Variants in RPA1 observed in about 807,000 individuals in gnomAD.
RPA1 encodes replication protein A 70 kDa DNA-binding subunit.
In RPA1, 49 loss-of-function variants were observed where a neutral mutation model predicts 83.0. The ratio of observed to expected loss-of-function variants is 0.59; its 90% CI spans 0.47 to 0.75. The LOEUF is 0.75. Ranked by LOEUF, RPA1 falls within the 30% of genes least tolerant of loss-of-function variation. RPA1 has a pLI of 0.00. For synonymous variants in RPA1, 279 were observed against 281.8 expected, an observed-to-expected ratio of 0.99 and a Z score of 0.10; for missense variants, 693 against 776.1, an observed-to-expected ratio of 0.89 and a Z score of 1.27.
At chr17:1,840,119 G>T (rs1210530396) in intron 1 of RPA1, among the ~76,000 whole-genome samples, 2 of 151,862 alleles carry the variant, frequency 1.3e-5, no homozygotes, top group African/African-American at 4.8e-5. Context: ...AAAAGAAAAA[G>T]AAAATGAAAA....
rs949473131 is a variant in RPA1 at position 1,879,346 on chromosome 17, G to A, written c.891G>A (p.Thr297=). ...GTGAGGACGACCATCATTTACCTAC[G>A]GTTCAGTTTGATTTCACGGGGATTG... The part of the protein sequence containing the change: ...MPCEDDHHLP[T]VQFDFTGIDD... The change falls in exon 10 of 17, where the codon ACG becomes ACA. Residue 297 remains threonine (T), a synonymous_variant. Coordinates refer to ENST00000254719, the MANE Select transcript of RPA1 (RefSeq NM_002945.5). 3.7e-6 allele frequency: 6 copies of A among 1,614,130 alleles called. No individual in the cohort carries two copies. Among genetic ancestry groups the A allele is most frequent in the Admixed American group, 3.3e-5 (2 of 60,018 alleles).
intron 7 of RPA1, among the ~76,000 whole-genome samples, chr17:1,876,719 C>T (rs1188229882): frequency 1.3e-5 from 2 of 152,128 alleles, no homozygotes; most frequent in African/African-American, 4.8e-5. Context: ...TGCCCTGTGC[C>T]TCCTTTTTCC....
intron 4 of RPA1, among the ~76,000 whole-genome samples, chr17:1,846,333 T>C (rs1912253821): frequency 1.3e-5 from 2 of 148,544 alleles, no homozygotes; most frequent in South Asian, 2.2e-4. Flanking sequence ...TTTTTTTTTT[T>C]TCTCCTGAGG....
In RPA1 at chr17:1,830,037, C is replaced by G. The variant is rs17291745; in HGVS notation, c.-57C>G. The G allele has an allele frequency of 0.046, 56,796 of 1,245,368 alleles. 1,462 individuals are homozygous for G. Among genetic ancestry groups the G allele is most frequent in the Non-Finnish European group, 0.053 (52,100 of 985,260 alleles). The allele number at this position is 1,245,368 out of a possible 1,614,324, so 77.1% of individuals were successfully genotyped here. A position where few individuals can be genotyped will look rare whatever the true frequency, so the allele number is the denominator to read the frequency against. The stretch of plus-strand genomic sequence containing the variant: ...CAATAACTGCGCAGCGCGCGGGACC[C>G]GGGTGGGGAAGCTGGAGCTGTTGCG... On this transcript the variant is annotated 5_prime_UTR_variant, in exon 1 of 17. Transcript: ENST00000254719.
intron 16 of RPA1, among the ~76,000 whole-genome samples, chr17:1,896,110 C>T (rs1914409359): frequency 6.6e-6 from 1 of 152,152 alleles, no homozygotes; most frequent in East Asian, 1.9e-4. Flanking sequence ...CCCTATTTTG[C>T]CACTGAAGGA....
chr17:1,895,155 C>A, intron 16 of RPA1, 60 bp downstream of exon 16: 1 of 1,367,508 alleles, frequency 7.3e-7, no homozygotes, highest in Non-Finnish European at 1.0e-6. Context: ...TCACCTACGG[C>A]AGTGTCGTGA....
chr17:1,830,317 C>G lies in RPA1; in HGVS notation c.33+191C>G, dbSNP rs181385484. 1.6e-3 allele frequency among the ~76,000 whole-genome samples: 249 copies of G among 152,328 alleles called. 2 individuals are homozygous for G. Among genetic ancestry groups the G allele is most frequent in the Non-Finnish European group, 2.8e-3 (190 of 68,018 alleles). On this transcript the variant is annotated intron_variant, in intron 1 of 16. Transcript: ENST00000254719. ...CCCCTCCTCAAAGCATTCTTTCGATCGTCTTTAAAACATGCTCACATTTTT... is the reference window on the plus strand; with the variant it reads ...CCCCTCCTCAAAGCATTCTTTCGATGGTCTTTAAAACATGCTCACATTTTT...
chr17:1,839,173 A>G (rs543598028), intron 1 of RPA1, among the ~76,000 whole-genome samples: 93 of 151,532 alleles, frequency 6.1e-4, no homozygotes, highest in African/African-American at 2.1e-3. Context: ...CACTTTATAT[A>G]AAATCAATGG....
intron 16 of RPA1, among the ~76,000 whole-genome samples, chr17:1,896,422 G>C (rs780287359): frequency 6.6e-6 from 1 of 152,192 alleles, no homozygotes; most frequent in Non-Finnish European, 1.5e-5. Flanking sequence ...GCTGATTGCA[G>C]GGTTTACTCA....
chr17:1,895,659 G>GTATTTATTTATTTATT lies in RPA1; in HGVS notation c.1746+594_1746+609dup, dbSNP rs1555596983. The stretch of plus-strand genomic sequence containing the variant: ...CTGAAATTGCCCATAATACCATATA[G>GTATTTATTTATTTATT]TATTTATTTATTTATTTATTTATTT... On this transcript the variant is annotated intron_variant, in intron 16 of 16. Coordinates refer to ENST00000254719, the MANE Select transcript of RPA1 (RefSeq NM_002945.5). 2.0e-4 allele frequency among the ~76,000 whole-genome samples: 29 copies of GTATTTATTTATTTATT among 141,812 alleles called. 1 individual carries two copies. The highest frequency in any genetic ancestry group is 3.6e-3 in the Middle Eastern group (1 of 278). The allele number at this position is 141,812 out of a possible 152,430, so 93.0% of individuals were successfully genotyped here.
chr17:1,842,886 ACTT>A (rs762886382), intron 2 of RPA1, 33 bp downstream of exon 2: 3 of 1,606,946 alleles, frequency 1.9e-6, no homozygotes, highest in Non-Finnish European at 2.6e-6. Context: ...TTCCATGTCA[ACTT>A]CTTTGGAGTC....
intron 8 of RPA1, among the ~76,000 whole-genome samples, chr17:1,878,214 G>A (rs555184509): frequency 9.9e-5 from 15 of 152,246 alleles, no homozygotes; most frequent in Non-Finnish European, 1.9e-4. Flanking sequence ...CAGCCTGGGC[G>A]ACAGAGTGAG....
intron 1 of RPA1, among the ~76,000 whole-genome samples, chr17:1,831,924 T>TTTTTTG (rs1911629135): frequency 1.3e-5 from 1 of 74,304 alleles, no homozygotes; most frequent in African/African-American, 4.2e-5. Context: ...TTTTTTTTTT[T>TTTTTTG]GAGGCAGAGT....
At position 1,897,351 on chromosome 17, in the gene RPA1, C is replaced by T. The variant is rs55909390; in HGVS notation, c.*176C>T. On this transcript the variant is annotated 3_prime_UTR_variant, in exon 17 of 17. Transcript: ENST00000254719. ...ACCCATCGGTAGGCAAAGGAAAATA[C>T]GCTCAGGTGGTTGTGGTGTAGACTG... 45 of 578,790 alleles carry T rather than the reference C, an allele frequency of 7.8e-5. No homozygotes were observed. The highest frequency in any genetic ancestry group is 3.4e-4 in the African/African-American group (18 of 52,794). 35.9% of individuals were successfully genotyped at this position (578,790 alleles called of 1,614,324 possible).
Position 1,888,574 on chromosome 17 carries a change from CACTT to C in RPA1, c.1375-98_1375-95del, listed in dbSNP as rs777670975. 4.8e-5 allele frequency: 55 copies of C among 1,147,230 alleles called. No homozygotes were observed. In the East Asian group the frequency reaches 8.0e-4, roughly 17 times the overall value. The allele number at this position is 1,147,230 out of a possible 1,614,324, so 71.1% of individuals were successfully genotyped here. On this transcript the variant is annotated intron_variant, in intron 13 of 16. Coordinates refer to ENST00000254719, the MANE Select transcript of RPA1 (RefSeq NM_002945.5). ...ATGTGTAATCTTGAGGATGTAGAAA[CACTT>C]ACCACCTAAACGTAAGGGCAGGCTT...
intron 14 of RPA1, among the ~76,000 whole-genome samples, chr17:1,890,915 G>A (rs754918318): frequency 5.3e-5 from 8 of 152,128 alleles, no homozygotes; most frequent in Non-Finnish European, 1.0e-4. Flanking sequence ...GTGATGAGAT[G>A]CTCTTTGCTT....
At chr17:1,855,590 A>G (rs1912663853) in intron 5 of RPA1, among the ~76,000 whole-genome samples, 1 of 152,026 alleles carries the variant, frequency 6.6e-6, no homozygotes, top group South Asian at 2.1e-4. Flanking sequence ...TATCCCTTTG[A>G]TCTGATTTAC....
At chr17:1,855,134 T>G (rs1912641331) in intron 5 of RPA1, among the ~76,000 whole-genome samples, 1 of 152,162 alleles carries the variant, frequency 6.6e-6, no homozygotes, top group South Asian at 2.1e-4. Flanking sequence ...ATCATATGGT[T>G]TTCTTTGTTA....
At chr17:1,861,990 C>G (rs1912990567) in intron 5 of RPA1, among the ~76,000 whole-genome samples, 1 of 151,918 alleles carries the variant, frequency 6.6e-6, no homozygotes, top group Non-Finnish European at 1.5e-5. Flanking sequence ...AGCTCCACCT[C>G]CCGGATTCAC....
Sources: allele counts gnomAD v4.1 joint callset (sites outside exome capture counted in the v4.1 genomes callset), GRCh38; gene constraint gnomAD v4.1.1; transcripts MANE v1.5; gene names NCBI Gene and HGNC (gene_info 2026-07-23, HGNC 2026-07-21).